SNTG2: variants seen among roughly 807,000 people sequenced by gnomAD.
SNTG2 encodes the protein gamma-2-syntrophin.
A neutral mutation model predicts 70.9 loss-of-function variants in SNTG2; 74 were observed. The ratio of observed to expected loss-of-function variants is 1.04; its 90% CI spans 0.86 to 1.27. The LOEUF (loss-of-function observed/expected upper bound fraction) is 1.27, where lower values mean the gene tolerates loss of function less well. Among genes scored for constraint, SNTG2 ranks in the 50% most tolerant of loss-of-function variants. SNTG2 has a pLI of 0.00. For synonymous variants in SNTG2, 278 were observed against 273.8 expected (o/e 1.02, Z -0.15); for missense variants, 717 against 690.7 (o/e 1.04, Z -0.43).
Position 1,134,889 on chromosome 2 carries a change from C to T in SNTG2, c.326-2733C>T, listed in dbSNP as rs558366956. 1.4e-4 allele frequency among the ~76,000 whole-genome samples: 21 copies of T among 152,288 alleles called. 1 individual carries two copies. Among genetic ancestry groups the T allele is most frequent in the Admixed American group, 9.1e-4 (14 of 15,308 alleles). Reference sequence around the variant, plus strand: ...CCCCGCGGGGAGGCAGCTAAGGCCCCGAGAGAAATCAAGCGCAACACCGGT... The same window carrying T: ...CCCCGCGGGGAGGCAGCTAAGGCCCTGAGAGAAATCAAGCGCAACACCGGT... On this transcript the variant is annotated intron_variant, in intron 4 of 16. Transcript: ENST00000308624.
chr2:1,223,477 T>G (rs982622685), intron 9 of SNTG2, among the ~76,000 whole-genome samples: 1 of 152,214 alleles, frequency 6.6e-6, no homozygotes, highest in African/African-American at 2.4e-5. Flanking sequence ...GTCGGATTCC[T>G]CAGTGCATCC....
chr2:1,178,642 A>G lies in SNTG2; in HGVS notation c.591+5459A>G, dbSNP rs1572655925. Among the ~76,000 whole-genome samples the G allele has an allele frequency of 1.3e-5, 2 of 152,312 alleles. 1 individual carries two copies. On this transcript the variant is annotated intron_variant, in intron 8 of 16. Transcript: ENST00000308624. ...GTATGTTGAACCAGGCTTGCATCCC[A>G]GGGATGAAGCCCACTTGATCATGGT... is the stretch of plus-strand genomic sequence containing the variant.
chr2:1,282,821 G>A (rs1558177486), intron 14 of SNTG2, among the ~76,000 whole-genome samples: 1 of 149,800 alleles, frequency 6.7e-6, no homozygotes, highest in African/African-American at 2.5e-5. Flanking sequence ...TGACTGATAC[G>A]ATAAGTAGAG....
chr2:1,302,013 G>A (rs889789891), intron 14 of SNTG2, among the ~76,000 whole-genome samples: 1 of 151,646 alleles, frequency 6.6e-6, no homozygotes. Flanking sequence ...CCAGGCTGGA[G>A]TGCAGTGGTG....
chr2:1,064,879 A>G (rs1396220230), intron 1 of SNTG2, among the ~76,000 whole-genome samples: 4 of 152,226 alleles, frequency 2.6e-5, no homozygotes, highest in African/African-American at 7.2e-5. Flanking sequence ...AGTGGGGATC[A>G]ATGACAAGAC....
intron 14 of SNTG2, among the ~76,000 whole-genome samples, chr2:1,268,136 T>A (rs991564688): frequency 3.9e-5 from 6 of 152,168 alleles, no homozygotes; most frequent in African/African-American, 1.4e-4. Flanking sequence ...TGCATTATAA[T>A]CCTCCTTATC....
In SNTG2 at chr2:1,259,392, G is replaced by A. The variant is rs371971068; in HGVS notation, c.1028G>A (p.Arg343Gln). Residue 343 changes from arginine (R) to glutamine (Q), a missense_variant, in exon 13 of 17, where the codon CGA (arginine) becomes CAA (glutamine). By Grantham distance (43) the Arg-to-Gln change is conservative (BLOSUM62 1). Transcript: ENST00000308624. ...CAGGTGAGCACATTCGATTGGGTGC[G>A]AGCAGAAAGGACCTATCACCTCTGT... ...TPPVSTFDWV[R>Q]AERTYHLCEV... 44 of 1,613,852 alleles carry A rather than the reference G, an allele frequency of 2.7e-5. No homozygotes were observed. The highest frequency in any genetic ancestry group is 5.0e-5 in the Admixed American group (3 of 60,008).
intron 16 of SNTG2, among the ~76,000 whole-genome samples, chr2:1,337,694 G>A (rs1659888758): frequency 6.6e-6 from 1 of 151,948 alleles, no homozygotes; most frequent in South Asian, 2.1e-4. Context: ...TATTAATGTT[G>A]GTGCAATCTA....
chr2:1,236,950 C>CTT (rs34225491), intron 9 of SNTG2, among the ~76,000 whole-genome samples: 17,927 of 148,102 alleles, frequency 0.12, 1,122 homozygotes, highest in Middle Eastern at 0.15. Context: ...TTCTTTTTTT[C>CTT]TTTTTTTTTT....
chr2:1,038,080 C>T (rs939817288), intron 1 of SNTG2, among the ~76,000 whole-genome samples: 17 of 152,176 alleles, frequency 1.1e-4, no homozygotes, highest in Non-Finnish European at 1.6e-4. Flanking sequence ...AGTTCCCTCA[C>T]GTCTGAGCAA....
chr2:1,308,694 A>G, intron 15 of SNTG2, 108 bp downstream of exon 15: 1 of 921,756 alleles, frequency 1.1e-6, no homozygotes, highest in East Asian at 2.6e-5. Context: ...ACCTTGCTGG[A>G]TTGTGTATCG....
At chr2:1,179,865 A>G (rs1180503347) in intron 8 of SNTG2, among the ~76,000 whole-genome samples, 2 of 143,860 alleles carry the variant, frequency 1.4e-5, no homozygotes, top group Non-Finnish European at 3.1e-5. Flanking sequence ...GTACCAAAAC[A>G]GAGATATAGA....
At chr2:1,039,234 T>C (rs1378111385) in intron 1 of SNTG2, among the ~76,000 whole-genome samples, 1 of 152,222 alleles carries the variant, frequency 6.6e-6, no homozygotes, top group Non-Finnish European at 1.5e-5. Flanking sequence ...ACAATTCCTT[T>C]ATTTTCTTGT....
chr2:1,251,217 G>A (rs972383285), intron 12 of SNTG2, among the ~76,000 whole-genome samples: 3 of 152,198 alleles, frequency 2.0e-5, no homozygotes, highest in African/African-American at 7.2e-5. Flanking sequence ...TAAAGTGTAC[G>A]CATCCATCCA....
intron 16 of SNTG2, among the ~76,000 whole-genome samples, chr2:1,364,509 C>T (rs1423944189): frequency 1.3e-5 from 2 of 151,662 alleles, no homozygotes; most frequent in East Asian, 3.9e-4. Flanking sequence ...GTAATCCCAG[C>T]ACTTTGGGAG....
At chr2:1,139,249 G>A (rs1479026386) in intron 6 of SNTG2, among the ~76,000 whole-genome samples, 1 of 152,010 alleles carries the variant, frequency 6.6e-6, no homozygotes, top group Non-Finnish European at 1.5e-5. Flanking sequence ...TTTTGTTTTT[G>A]AGACAGAGTC....
At chr2:1,020,464 A>G (rs1321340676) in intron 1 of SNTG2, among the ~76,000 whole-genome samples, 4 of 152,232 alleles carry the variant, frequency 2.6e-5, no homozygotes, top group Non-Finnish European at 2.9e-5. Flanking sequence ...TTTTTACCAA[A>G]GAGCTGTTCT....
intron 1 of SNTG2, among the ~76,000 whole-genome samples, chr2:1,030,458 A>G (rs1660752989): frequency 6.6e-6 from 1 of 152,188 alleles, no homozygotes; most frequent in Non-Finnish European, 1.5e-5. Flanking sequence ...CAAACACACA[A>G]CAAGATGTAC....
intron 13 of SNTG2, among the ~76,000 whole-genome samples, chr2:1,266,793 C>A (rs1678765773): frequency 8.0e-6 from 1 of 125,536 alleles, no homozygotes; most frequent in Non-Finnish European, 1.6e-5. Flanking sequence ...CTCTGTCACC[C>A]AGGCTGGAGT....
Sources: gnomAD v4.1 joint callset for allele counts (sites outside exome capture counted in the v4.1 genomes callset) on GRCh38, gnomAD v4.1.1 for gene constraint, MANE v1.5 for transcripts, NCBI Gene and HGNC (gene_info 2026-07-23, HGNC 2026-07-21) for gene names.